RORA: variants seen among roughly 807,000 people sequenced by gnomAD.
RORA encodes nuclear receptor ROR-alpha.
RORA carries 7 observed loss-of-function variants against 69.5 expected under a neutral mutation model. The observed-to-expected ratio is 0.10, with a 90% CI of 0.06 to 0.19. The LOEUF (loss-of-function observed/expected upper bound fraction) is 0.19. Ranked by LOEUF, RORA falls within the 10% of genes least tolerant of loss-of-function variation. The pLI is 1.00. For missense variants in RORA, 457 were observed against 663.0 expected (o/e 0.69, Z 3.41); for synonymous variants, 261 against 240.8 (o/e 1.08, Z -0.78).
chr15:60,595,405 C>A (rs543583219), intron 2 of RORA, among the ~76,000 whole-genome samples: 1 of 152,012 alleles, frequency 6.6e-6, no homozygotes, highest in South Asian at 2.1e-4. Context: ...CCAGCTACTA[C>A]TCGCGAGGCT....
intron 1 of RORA, among the ~76,000 whole-genome samples, chr15:60,849,230 T>C (rs1482199469): frequency 2.0e-5 from 3 of 152,320 alleles, no homozygotes; most frequent in Non-Finnish European, 1.5e-5. Flanking sequence ...ATGTTATGAT[T>C]ACCTCTGAGT....
chr15:60,712,365 A>C (rs961111622), intron 1 of RORA, among the ~76,000 whole-genome samples: 1 of 152,194 alleles, frequency 6.6e-6, no homozygotes, highest in Admixed American at 6.5e-5. Flanking sequence ...GCATTATACA[A>C]CTAAATTTGG....
At chr15:60,717,778 T>C (rs1595655028) in intron 1 of RORA, among the ~76,000 whole-genome samples, 1 of 148,338 alleles carries the variant, frequency 6.7e-6, no homozygotes, top group Non-Finnish European at 1.5e-5. Flanking sequence ...CATCTTCTTC[T>C]TTCTTTTTTC....
rs1328368255 is a variant in RORA at position 61,011,750 on chromosome 15, C to T, written c.166+217303G>A. ...GCTATTTTGATTTATGAGGGTTTAG[C>T]CCTCAAGCAGGTTAGGTTTAACTAA... On this transcript the variant is annotated intron_variant, in intron 1 of 10. Coordinates refer to ENST00000335670, the MANE Select transcript of RORA (RefSeq NM_134261.3). Among the ~76,000 whole-genome samples the T allele has an allele frequency of 2.0e-5, 3 of 152,316 alleles. No individual in the cohort carries two copies. The East Asian group carries it at 5.8e-4, about 29-fold the overall frequency.
At chr15:60,976,336 A>T (rs61024165) in intron 1 of RORA, among the ~76,000 whole-genome samples, 23,102 of 152,242 alleles carry the variant, frequency 0.15, 2,642 homozygotes, top group East Asian at 0.58. Flanking sequence ...CCCCATCTGC[A>T]TAATATGGAA....
rs1285910415 is a variant in RORA at position 61,226,228 on chromosome 15, C to T, written c.166+2825G>A. ...ACTGGGTAGAAGCTAAACCTGCTACCCTTTGGAAAGTATCTCCCAAATCAG... is the reference window on the plus strand; with the variant it reads ...ACTGGGTAGAAGCTAAACCTGCTACTCTTTGGAAAGTATCTCCCAAATCAG... On this transcript the variant is annotated intron_variant, in intron 1 of 10. Transcript: ENST00000335670. The surrounding 1 kb of genome is among the most constrained non-coding windows in gnomAD (Gnocchi z 4.2). Among the ~76,000 whole-genome samples the T allele has an allele frequency of 6.6e-6, 1 of 152,154 alleles. No individual in the cohort carries two copies. The highest frequency in any genetic ancestry group is 1.5e-5 in the Non-Finnish European group (1 of 68,040).
At chr15:60,885,569 A>G (rs1595791960) in intron 1 of RORA, among the ~76,000 whole-genome samples, 2 of 152,282 alleles carry the variant, frequency 1.3e-5, no homozygotes, top group African/African-American at 4.8e-5. Context: ...TTTTACAGTG[A>G]TAGACAGTCT....
intron 1 of RORA, among the ~76,000 whole-genome samples, chr15:60,744,527 G>A (rs954889511): frequency 8.5e-5 from 13 of 152,278 alleles, no homozygotes; most frequent in Admixed American, 7.2e-4. Flanking sequence ...CCAGCTGTGT[G>A]GCCCAGGACA....
At position 61,041,156 on chromosome 15, in the gene RORA, T is replaced by A. The variant is rs112342817; in HGVS notation, c.166+187897A>T. On this transcript the variant is annotated intron_variant, in intron 1 of 10. Transcript: ENST00000335670. ...AAGCCTGTAAAAATTAAGACAACTT[T>A]TAAAACTCTCTTTGCCTGTCATCAC... The A allele has an allele frequency of 2.8e-4, 42 of 152,348 alleles. 2 individuals are homozygous for A. The highest frequency in any genetic ancestry group is 1.0e-3 in the African/African-American group (42 of 41,580). The allele number at this position is 152,348 out of a possible 1,614,324, so 9.4% of individuals were successfully genotyped here. A position where few individuals can be genotyped will look rare whatever the true frequency, so the allele number is the denominator to read the frequency against.
At chr15:60,708,848 G>A (rs888794035) in intron 1 of RORA, among the ~76,000 whole-genome samples, 1 of 152,208 alleles carries the variant, frequency 6.6e-6, no homozygotes, top group African/African-American at 2.4e-5. Context: ...CCCTAACAGA[G>A]CATCCAGGGG....
intron 2 of RORA, among the ~76,000 whole-genome samples, chr15:60,591,380 G>A (rs1268460543): frequency 6.6e-6 from 1 of 152,188 alleles, no homozygotes; most frequent in African/African-American, 2.4e-5. Flanking sequence ...CGGTTTCTCC[G>A]GCAGCACGGG....
chr15:61,086,925 T>C (rs2078634183), intron 1 of RORA, among the ~76,000 whole-genome samples: 1 of 152,186 alleles, frequency 6.6e-6, no homozygotes, highest in Non-Finnish European at 1.5e-5. Flanking sequence ...GGAATCTCAA[T>C]GCTTTTGTAG....
chr15:61,119,899 T>C (rs1209061566), intron 1 of RORA, among the ~76,000 whole-genome samples: 1 of 152,042 alleles, frequency 6.6e-6, no homozygotes, highest in Non-Finnish European at 1.5e-5. Context: ...CACTGTACAG[T>C]ACAAGGGGTT....
Position 60,708,813 on chromosome 15 carries a change from G to T in RORA, c.167-30127C>A, listed in dbSNP as rs116213789. On this transcript the variant is annotated intron_variant, in intron 1 of 10. Coordinates refer to ENST00000335670, the MANE Select transcript of RORA (RefSeq NM_134261.3). Reference sequence around the variant, plus strand: ...AGGCTTGTTTATGCAGTAGAATGCTGAAAAGGAAGTGAATCAGATCTATTC... The same window carrying T: ...AGGCTTGTTTATGCAGTAGAATGCTTAAAAGGAAGTGAATCAGATCTATTC... Among the ~76,000 whole-genome samples, 172 of 152,334 alleles carry T rather than the reference G, an allele frequency of 1.1e-3. 1 individual carries two copies. Among genetic ancestry groups the T allele is most frequent in the African/African-American group, 4.1e-3 (171 of 41,584 alleles).
chr15:60,885,642 A>G (rs572775429), intron 1 of RORA, among the ~76,000 whole-genome samples: 2 of 152,346 alleles, frequency 1.3e-5, no homozygotes, highest in Admixed American at 6.5e-5. Context: ...TCAAAAATAT[A>G]TATATTTCAG....
At position 60,905,398 on chromosome 15, in the gene RORA, T is replaced by C. The variant is rs1390023306; in HGVS notation, c.167-226712A>G. Among the ~76,000 whole-genome samples, 3 of 152,212 alleles carry C rather than the reference T, an allele frequency of 2.0e-5. No homozygotes were observed. Among genetic ancestry groups the C allele is most frequent in the Non-Finnish European group, 4.4e-5 (3 of 68,040 alleles). On this transcript the variant is annotated intron_variant, in intron 1 of 10. Coordinates refer to ENST00000335670, the MANE Select transcript of RORA (RefSeq NM_134261.3). This position sits in a 1 kb window ranked among gnomAD's most constrained non-coding sequence, Gnocchi z 4.8. ...AGACAGCTCATTAGATCAACTTTTTTTTCTGTGTATTTTTTTTTCTTTTTA... is the reference window on the plus strand; with the variant it reads ...AGACAGCTCATTAGATCAACTTTTTCTTCTGTGTATTTTTTTTTCTTTTTA...
Position 60,554,195 on chromosome 15 carries a change from G to C in RORA, c.197-22344C>G, listed in dbSNP as rs149511318. On this transcript the variant is annotated intron_variant, in intron 2 of 10. Transcript: ENST00000335670. ...TTGCTGATAATTGATTTTTTAAAAT[G>C]TAAGTAAAGTGAAACACATATAGCT... is the stretch of plus-strand genomic sequence containing the variant. Among the ~76,000 whole-genome samples, 1,187 of 152,310 alleles carry C rather than the reference G, an allele frequency of 7.8e-3. 12 individuals carry two copies. Among genetic ancestry groups the C allele is most frequent in the Non-Finnish European group, 0.012 (826 of 68,026 alleles).
chr15:60,853,990 G>T (rs373934021), intron 1 of RORA, among the ~76,000 whole-genome samples: 2 of 152,186 alleles, frequency 1.3e-5, no homozygotes, highest in Non-Finnish European at 2.9e-5. Flanking sequence ...ACAGTGGGGC[G>T]TGGTGGCTTA....
At chr15:61,149,442 A>G (rs2079379151) in intron 1 of RORA, among the ~76,000 whole-genome samples, 1 of 150,776 alleles carries the variant, frequency 6.6e-6, no homozygotes, top group Non-Finnish European at 1.5e-5. Flanking sequence ...CCACTACTAG[A>G]AAAGAAGTTA....
Sources: allele counts gnomAD v4.1 joint callset (sites outside exome capture counted in the v4.1 genomes callset), GRCh38; gene constraint gnomAD v4.1.1; non-coding constraint Gnocchi (gnomAD v3.1); transcripts MANE v1.5; gene names NCBI Gene and HGNC (gene_info 2026-07-23, HGNC 2026-07-21).